The following RHOT1 variants were observed in gnomAD, a reference collection of about 807,000 sequenced individuals.
RHOT1 encodes the protein mitochondrial Rho GTPase 1.
A neutral mutation model predicts 95.3 loss-of-function variants in RHOT1; 27 were observed. That is an observed-to-expected ratio of 0.28 (90% CI 0.21 to 0.39). The LOEUF is 0.39. Among genes scored for constraint, RHOT1 ranks in the 10% least tolerant of loss-of-function variants. RHOT1 has a pLI of 1.00. For synonymous variants in RHOT1, 227 were observed against 263.5 expected (o/e 0.86, Z 1.34); for missense variants, 578 against 786.7 (o/e 0.73, Z 3.17).
intron 18 of RHOT1, among the ~76,000 whole-genome samples, chr17:32,210,698 A>T (rs1191327991): frequency 2.6e-5 from 4 of 151,946 alleles, no homozygotes; most frequent in Admixed American, 2.0e-4. Context: ...CTGAGGGAGG[A>T]GGAGGAGGAG....
At chr17:32,214,373 G>A (rs1366326866) in intron 19 of RHOT1, among the ~76,000 whole-genome samples, 1 of 152,180 alleles carries the variant, frequency 6.6e-6, no homozygotes, top group Admixed American at 6.5e-5. Flanking sequence ...GGAAATCAAG[G>A]CTTTGGTGTG....
At chr17:32,223,780 A>T (rs1319981804) in intron 19 of RHOT1, among the ~76,000 whole-genome samples, 1 of 152,202 alleles carries the variant, frequency 6.6e-6, no homozygotes, top group East Asian at 1.9e-4. Context: ...AGTGACATTT[A>T]AATAAAATGT....
At chr17:32,218,133 G>A (rs2038598195) in intron 19 of RHOT1, among the ~76,000 whole-genome samples, 1 of 151,962 alleles carries the variant, frequency 6.6e-6, no homozygotes, top group Admixed American at 6.5e-5. Context: ...AAAGTGCTGG[G>A]ATTACAGGCA....
At chr17:32,185,171 TGC>T (rs2035940784) in intron 8 of RHOT1, among the ~76,000 whole-genome samples, 1 of 152,014 alleles carries the variant, frequency 6.6e-6, no homozygotes, top group East Asian at 1.9e-4. Flanking sequence ...AGTGCAATGG[TGC>T]GATCTCTGTG....
At chr17:32,155,177 A>T (rs2032818559) in intron 1 of RHOT1, among the ~76,000 whole-genome samples, 1 of 151,646 alleles carries the variant, frequency 6.6e-6, no homozygotes, top group African/African-American at 2.4e-5. Context: ...TTTTTTTGAG[A>T]TGGAGTCTCG....
rs571565868 is a variant in RHOT1 at position 32,168,392 on chromosome 17, C to T, written c.38-2651C>T. ...TCAAGCAGTCCTCCTGCCTCAGCCT[C>T]GCAAGTAGCTGGGACTACAAGTGTG... On this transcript the variant is annotated intron_variant, in intron 1 of 19. Transcript: ENST00000545287. Among the ~76,000 whole-genome samples, 10 of 152,148 alleles carry T rather than the reference C, an allele frequency of 6.6e-5. 1 individual carries two copies. Among genetic ancestry groups the T allele is most frequent in the East Asian group, 3.9e-4 (2 of 5,170 alleles).
chr17:32,144,643 G>A (rs1052844521), intron 1 of RHOT1, among the ~76,000 whole-genome samples: 5 of 151,988 alleles, frequency 3.3e-5, no homozygotes, highest in Admixed American at 6.6e-5. Context: ...AGGCCAAGGA[G>A]TTTGAGACCA....
Position 32,183,198 on chromosome 17 carries a change from T to A in RHOT1, c.466T>A (p.Ser156Thr), listed in dbSNP as rs776975854. The A allele has an allele frequency of 1.3e-6, 2 of 1,576,950 alleles. No homozygotes were observed. The highest frequency in any genetic ancestry group is 1.7e-6 in the Non-Finnish European group (2 of 1,157,372). Residue 156 changes from serine to threonine, a missense_variant, in exon 8 of 20, where the codon TCA (serine) becomes ACA (threonine). Physicochemically the swap from Ser to Thr is moderately conservative, Grantham distance 58. Transcript: ENST00000545287. ...TTCAGCGAAAAACCTGAAGAACATA[T>A]CAGAGCTCTTTTATTACGCACAGAA... ...ECSAKNLKNI[S>T]ELFYYAQKAV...
chr17:32,212,066 A>G (rs1020102363), intron 19 of RHOT1, among the ~76,000 whole-genome samples: 2 of 152,226 alleles, frequency 1.3e-5, no homozygotes, highest in Admixed American at 1.3e-4. Context: ...ATGTGTATGC[A>G]TTAGGTTTTT....
At chr17:32,175,406 C>T (rs1567678248) in intron 4 of RHOT1, 44 bp downstream of exon 4, 1 of 1,529,842 alleles carries the variant, frequency 6.5e-7, no homozygotes, top group African/African-American at 1.4e-5. Flanking sequence ...TGTAGAAAAA[C>T]AGTGATGATT....
chr17:32,169,191 AATC>A (rs1195676727), intron 1 of RHOT1, among the ~76,000 whole-genome samples: 8 of 152,196 alleles, frequency 5.3e-5, no homozygotes. Context: ...TCACCCTTTT[AATC>A]ATTTAAGAAG....
chr17:32,185,225 C>G (rs1175432031), intron 8 of RHOT1, among the ~76,000 whole-genome samples: 1 of 152,156 alleles, frequency 6.6e-6, no homozygotes, highest in South Asian at 2.1e-4. Context: ...ATTCTCCTGC[C>G]TCAGCCTTCC....
intron 1 of RHOT1, among the ~76,000 whole-genome samples, chr17:32,165,023 C>CA (rs906835974): frequency 6.6e-5 from 10 of 151,418 alleles, no homozygotes; most frequent in East Asian, 5.9e-4. Flanking sequence ...AAACAAAAAA[C>CA]AAAAAAACAA....
At chr17:32,184,140 T>A (rs1004195169) in intron 8 of RHOT1, among the ~76,000 whole-genome samples, 3 of 152,240 alleles carry the variant, frequency 2.0e-5, no homozygotes, top group Non-Finnish European at 2.9e-5. Flanking sequence ...CCGTGGTTTT[T>A]AGTGTATTCA....
At chr17:32,145,955 G>A (rs2142337715) in intron 1 of RHOT1, among the ~76,000 whole-genome samples, 1 of 152,312 alleles carries the variant, frequency 6.6e-6, no homozygotes, top group South Asian at 2.1e-4. Flanking sequence ...GTTCGGGGCT[G>A]CTGTGGGTCA....
rs1185895155 is a variant in RHOT1 at position 32,208,222 on chromosome 17, T to A, written c.1652T>A (p.Met551Lys). ...SPTDFCRKHK[M>K]PPPQAFTCNT... is the part of the protein sequence containing the mutation. ...ACTGATTTCTGCAGGAAACACAAAA[T>A]GCCTCCACCACAAGCCTTCACTTGC... Residue 551 changes from methionine (M) to lysine (K), a missense_variant, in exon 18 of 20, where the codon ATG becomes AAG. Met to Lys is a moderately conservative substitution (Grantham distance 95, BLOSUM62 -1). Transcript: ENST00000545287. 1 of 1,614,124 alleles carries A rather than the reference T, an allele frequency of 6.2e-7. No individual in the cohort carries two copies. Among genetic ancestry groups the A allele is most frequent in the East Asian group, 2.2e-5 (1 of 44,880 alleles).
Position 32,197,550 on chromosome 17 carries a change from C to T in RHOT1, c.870-1397C>T, listed in dbSNP as rs560693314. Among the ~76,000 whole-genome samples, 38 of 152,174 alleles carry T rather than the reference C, an allele frequency of 2.5e-4. No homozygotes were observed. In the South Asian group the frequency reaches 3.1e-3, roughly 12 times the overall value. ...TCGACATTCTCCTACCTCAGCCTCC[C>T]GAGTAGCTGGGACTACAGGCGTCCA... On this transcript the variant is annotated intron_variant, in intron 11 of 19. Coordinates refer to ENST00000545287, the MANE Select transcript of RHOT1 (RefSeq NM_001033566.3).
chr17:32,175,251 T>C, intron 3 of RHOT1, 68 bp from the exon 4 acceptor site: 1 of 1,334,836 alleles, frequency 7.5e-7, no homozygotes, highest in Non-Finnish European at 1.1e-6. Context: ...TTGCATAGAA[T>C]TTAGCTTGGC....
At chr17:32,223,160 T>C (rs2038934604) in intron 19 of RHOT1, among the ~76,000 whole-genome samples, 1 of 152,168 alleles carries the variant, frequency 6.6e-6, no homozygotes, top group African/African-American at 2.4e-5. Context: ...TGGAGCACTC[T>C]GGCTTGTGTT....
Sources: gnomAD v4.1 joint callset for allele counts (sites outside exome capture counted in the v4.1 genomes callset) on GRCh38, gnomAD v4.1.1 for gene constraint, MANE v1.5 for transcripts, NCBI Gene and HGNC (gene_info 2026-07-23, HGNC 2026-07-21) for gene names.